TBC1D20: variants seen among roughly 807,000 people sequenced by gnomAD.
The protein encoded by TBC1D20 is chromosome 20 open reading frame 140.
TBC1D20 carries 12 observed loss-of-function variants against 41.6 expected under a neutral mutation model. That is an observed-to-expected ratio of 0.29 (90% CI 0.18 to 0.47). The LOEUF is 0.47. Ranked by LOEUF, TBC1D20 falls within the 20% of genes least tolerant of loss-of-function variation. The pLI, the probability that TBC1D20 is intolerant of heterozygous loss-of-function variation, is 1.00. For synonymous variants in TBC1D20, 205 were observed against 204.8 expected (o/e 1.00, Z -0.01); for missense variants, 421 against 517.4 (o/e 0.81, Z 1.81).
chr20:442,442 AAAGG>A (rs1380078676), intron 3 of TBC1D20, among the ~76,000 whole-genome samples: 5 of 152,234 alleles, frequency 3.3e-5, no homozygotes, highest in Non-Finnish European at 5.9e-5. Context: ...CAATATCCCC[AAAGG>A]AAGAGAAATT....
chr20:456,861 T>C (rs2017549070), intron 1 of TBC1D20, among the ~76,000 whole-genome samples: 2 of 151,890 alleles, frequency 1.3e-5, no homozygotes, highest in Admixed American at 1.3e-4. Context: ...CCACCACACC[T>C]GGCCAAGAAT....
chr20:458,614 T>C (rs1258213218), intron 1 of TBC1D20, among the ~76,000 whole-genome samples: 1 of 152,168 alleles, frequency 6.6e-6, no homozygotes, highest in Non-Finnish European at 1.5e-5. Context: ...ATACCTGGCC[T>C]CCAATTCTAC....
At chr20:461,700 AAGAC>A (rs1271898845) in intron 1 of TBC1D20, among the ~76,000 whole-genome samples, 3 of 152,248 alleles carry the variant, frequency 2.0e-5, no homozygotes, top group South Asian at 2.1e-4. Context: ...TAGGTGGCAG[AAGAC>A]AGACAGAAAG....
intron 2 of TBC1D20, among the ~76,000 whole-genome samples, chr20:446,943 A>ATTTTTTT (rs35489596): frequency 2.6e-5 from 2 of 75,890 alleles, no homozygotes; most frequent in Admixed American, 1.8e-4. Context: ...CAAAATACGC[A>ATTTTTTT]TTTTTTTTTT....
intron 2 of TBC1D20, among the ~76,000 whole-genome samples, chr20:447,123 A>AT (rs752849594): frequency 0.048 from 5,107 of 107,248 alleles, 289 homozygotes; most frequent in African/African-American, 0.14. Flanking sequence ...TAATGTTCGT[A>AT]TTTTTTTTTT....
intron 3 of TBC1D20, among the ~76,000 whole-genome samples, chr20:443,953 A>G (rs1387705284): frequency 6.6e-6 from 1 of 152,008 alleles, no homozygotes; most frequent in Non-Finnish European, 1.5e-5. Context: ...GTGAAACCCC[A>G]TCTCTATTAA....
At chr20:456,953 T>G (rs1208091266) in intron 1 of TBC1D20, among the ~76,000 whole-genome samples, 1 of 115,002 alleles carries the variant, frequency 8.7e-6, no homozygotes, top group Admixed American at 9.2e-5. Context: ...TTTTTTTTTT[T>G]GAGACAGAGT....
In TBC1D20 at chr20:439,082, T is replaced by C. The variant is rs778225728; in HGVS notation, c.956+26A>G. On this transcript the variant is annotated intron_variant, in intron 7 of 7. Coordinates refer to ENST00000354200, the MANE Select transcript of TBC1D20 (RefSeq NM_144628.4). This position sits in a 1 kb window ranked among gnomAD's most constrained non-coding sequence, Gnocchi z 4.6. ...TCTGCTCATTTACAGCCACCCCCAT[T>C]CAACCAGTGTCCCAGCCTTGCTCAC... 3 of 1,591,050 alleles carry C rather than the reference T, an allele frequency of 1.9e-6. No individual in the cohort carries two copies. The highest frequency in any genetic ancestry group is 2.6e-6 in the Non-Finnish European group (3 of 1,168,352).
At position 438,450 on chromosome 20, in the gene TBC1D20, A is replaced by T; in HGVS notation, c.*136T>A. On this transcript the variant is annotated 3_prime_UTR_variant, in exon 8 of 8. Coordinates refer to ENST00000354200, the MANE Select transcript of TBC1D20 (RefSeq NM_144628.4). ...GGCCTCTGAAGTAAAGGCAAACACAAACGGGCAGGGCAGGGTGGCAGGAAT... is the reference window on the plus strand; with the variant it reads ...GGCCTCTGAAGTAAAGGCAAACACATACGGGCAGGGCAGGGTGGCAGGAAT... The T allele has an allele frequency of 9.3e-7, 1 of 1,070,768 alleles. No homozygotes were observed. The highest frequency in any genetic ancestry group is 1.3e-6 in the Non-Finnish European group (1 of 746,400). The allele number at this position is 1,070,768 out of a possible 1,614,324, so 66.3% of individuals were successfully genotyped here.
chr20:462,008 G>C (rs1312200561), intron 1 of TBC1D20, among the ~76,000 whole-genome samples: 1 of 152,210 alleles, frequency 6.6e-6, no homozygotes, highest in Admixed American at 6.5e-5. Flanking sequence ...GACGGGGTGG[G>C]CCTGGCCTCC....
intron 2 of TBC1D20, among the ~76,000 whole-genome samples, chr20:445,622 T>C (rs2017317777): frequency 6.6e-6 from 1 of 152,218 alleles, no homozygotes; most frequent in Non-Finnish European, 1.5e-5. Context: ...CTAACAACTC[T>C]TGACCCAGCA....
chr20:442,097 G>T, intron 3 of TBC1D20, 54 bp from the exon 4 acceptor site: 1 of 1,463,112 alleles, frequency 6.8e-7, no homozygotes, highest in Non-Finnish European at 9.2e-7. Flanking sequence ...TAGTTAACAA[G>T]GAGGTCGAAG....
At chr20:445,731 A>G (rs539004585) in intron 2 of TBC1D20, among the ~76,000 whole-genome samples, 2 of 152,366 alleles carry the variant, frequency 1.3e-5, no homozygotes, top group African/African-American at 4.8e-5. Flanking sequence ...CATTATACAT[A>G]TAACAAGTGT....
At chr20:453,392 T>G (rs1378442549) in intron 1 of TBC1D20, among the ~76,000 whole-genome samples, 1 of 147,040 alleles carries the variant, frequency 6.8e-6, no homozygotes, top group Admixed American at 6.7e-5. Flanking sequence ...GAGAATTGCT[T>G]GAACCTGGGA....
At chr20:444,550 TTTTG>T (rs907854297) in intron 3 of TBC1D20, among the ~76,000 whole-genome samples, 59 of 122,172 alleles carry the variant, frequency 4.8e-4, no homozygotes, top group Admixed American at 2.2e-3. Context: ...ATACATTCTT[TTTTG>T]TTTGTTTGTT....
chr20:440,021 A>C (rs572056533), intron 6 of TBC1D20, among the ~76,000 whole-genome samples: 1 of 152,354 alleles, frequency 6.6e-6, no homozygotes, highest in East Asian at 1.9e-4. Flanking sequence ...CAGAAGTGTC[A>C]TGCAGCAAAA....
At chr20:445,021 A>C in intron 3 of TBC1D20, 29 bp downstream of exon 3, 2 of 1,581,906 alleles carry the variant, frequency 1.3e-6, no homozygotes, top group Non-Finnish European at 1.7e-6. Flanking sequence ...AGTCTTTCCA[A>C]ATGTGGCAGG....
intron 1 of TBC1D20, among the ~76,000 whole-genome samples, chr20:456,510 T>C (rs760174455): frequency 4.6e-5 from 7 of 152,182 alleles, no homozygotes; most frequent in African/African-American, 7.2e-5. Flanking sequence ...ACAATTATTA[T>C]ATATAATAGA....
Position 440,244 on chromosome 20 carries a change from C to G in TBC1D20, c.768+4G>C. Reference sequence around the variant, plus strand: ...CCAGCTGCTGGCTCGTGGCCTGTACCTACCACGGCTGCAAAGTAAATCGGC... The same window carrying G: ...CCAGCTGCTGGCTCGTGGCCTGTACGTACCACGGCTGCAAAGTAAATCGGC... On this transcript the variant is annotated splice_donor_region_variant and intron_variant, in intron 6 of 7. Transcript: ENST00000354200. The G allele has an allele frequency of 6.2e-7, 1 of 1,611,260 alleles. No homozygotes were observed. The highest frequency in any genetic ancestry group is 8.5e-7 in the Non-Finnish European group (1 of 1,178,802).
Sources: allele counts gnomAD v4.1 joint callset (sites outside exome capture counted in the v4.1 genomes callset), GRCh38; gene constraint gnomAD v4.1.1; non-coding constraint Gnocchi (gnomAD v3.1); transcripts MANE v1.5; gene names NCBI Gene and HGNC (gene_info 2026-07-23, HGNC 2026-07-21).